Variants in TIAM1 observed in about 807,000 individuals in gnomAD.
The protein encoded by TIAM1 is rho guanine nucleotide exchange factor TIAM1.
Under a neutral mutation model 163.5 loss-of-function variants are expected in TIAM1, and 65 were observed. The ratio of observed to expected loss-of-function variants is 0.40; its 90% CI spans 0.33 to 0.49. The LOEUF is 0.49. Among genes scored for constraint, TIAM1 ranks in the 20% least tolerant of loss-of-function variants. TIAM1 has a pLI of 0.77. For missense variants in TIAM1, 1,789 were observed against 2,044.7 expected (o/e 0.87, Z 2.41); for synonymous variants, 833 against 810.1 (o/e 1.03, Z -0.48).
chr21:31,209,460 G>C (rs2086615577), intron 11 of TIAM1, among the ~76,000 whole-genome samples: 1 of 152,172 alleles, frequency 6.6e-6, no homozygotes, highest in Non-Finnish European at 1.5e-5. Flanking sequence ...TCAATCATTT[G>C]TCATGTTTCT....
rs2082844446 is a variant in TIAM1 at position 31,141,526 on chromosome 21, T to C, written c.3476-22A>G. The C allele has an allele frequency of 6.2e-7, 1 of 1,610,158 alleles. No homozygotes were observed. The highest frequency in any genetic ancestry group is 1.3e-5 in the African/African-American group (1 of 74,788). Reference sequence around the variant, plus strand: ...TTGGCTGGCAGGGTTTAAACACAGGTCATGGGGGTGGAACGCCCACGTGAC... The same window carrying C: ...TTGGCTGGCAGGGTTTAAACACAGGCCATGGGGGTGGAACGCCCACGTGAC... On this transcript the variant is annotated intron_variant, in intron 20 of 27. Transcript: ENST00000541036. The surrounding 1 kb of genome is among the most constrained non-coding windows in gnomAD (Gnocchi z 4.7).
In TIAM1 at chr21:31,180,545, CAGA is replaced by C. The variant is rs532107401; in HGVS notation, c.2887+1873_2887+1875del. On this transcript the variant is annotated intron_variant, in intron 15 of 27. Coordinates refer to ENST00000541036, the MANE Select transcript of TIAM1 (RefSeq NM_001353694.2). ...TCTTTTTTTTTTTATATCTGTAACCCAGAAGAAGGGCTCAGACAGAAGAAAAAA... is the reference window on the plus strand; with the variant it reads ...TCTTTTTTTTTTTATATCTGTAACCCAGAAGGGCTCAGACAGAAGAAAAAA... Among the ~76,000 whole-genome samples the C allele has an allele frequency of 2.1e-3, 319 of 151,412 alleles. 1 individual carries two copies. The highest frequency in any genetic ancestry group is 7.2e-3 in the African/African-American group (297 of 41,094).
At chr21:31,151,372 A>T (rs996451567) in intron 19 of TIAM1, among the ~76,000 whole-genome samples, 7 of 152,234 alleles carry the variant, frequency 4.6e-5, no homozygotes, top group Admixed American at 3.3e-4. Flanking sequence ...AATGGAAGAC[A>T]ATGCAGCAAT....
chr21:31,534,130 T>C (rs1483290985), intron 1 of TIAM1, among the ~76,000 whole-genome samples: 1 of 151,994 alleles, frequency 6.6e-6, no homozygotes, highest in Non-Finnish European at 1.5e-5. Flanking sequence ...GAAAACACAA[T>C]GAAGAGAAAG....
intron 24 of TIAM1, 44 bp downstream of exon 24, chr21:31,130,846 T>G (rs755332935): frequency 1.0e-5 from 16 of 1,561,480 alleles, no homozygotes; most frequent in East Asian, 6.7e-5. Context: ...GATAAGCAGA[T>G]AGAGAAATAG....
intron 1 of TIAM1, among the ~76,000 whole-genome samples, chr21:31,499,244 T>A (rs2046768769): frequency 2.0e-5 from 3 of 151,804 alleles, no homozygotes; most frequent in Non-Finnish European, 4.4e-5. Context: ...AGGAGACACA[T>A]TTACACATAA....
At chr21:31,167,298 G>T (rs866676740) in intron 15 of TIAM1, among the ~76,000 whole-genome samples, 3 of 151,976 alleles carry the variant, frequency 2.0e-5, no homozygotes, top group African/African-American at 7.3e-5. Context: ...CACCATGTTG[G>T]TGAGGCTGGT....
At chr21:31,279,678 CT>C (rs949956723) in intron 2 of TIAM1, among the ~76,000 whole-genome samples, 10 of 152,168 alleles carry the variant, frequency 6.6e-5, no homozygotes, top group African/African-American at 2.4e-4. Flanking sequence ...ATGAGATCAT[CT>C]ATGTTACAGA....
At position 31,210,951 on chromosome 21, in the gene TIAM1, T is replaced by TA. The variant is rs1254988606; in HGVS notation, c.2218-737_2218-736insT. Among the ~76,000 whole-genome samples, 4 of 152,026 alleles carry TA rather than the reference T, an allele frequency of 2.6e-5. No homozygotes were observed. In the East Asian group the frequency reaches 7.7e-4, roughly 29 times the overall value. ...AAGCAATGGTGAAGCCCCAATCATT[T>TA]TTTTTTTTCAAAAAGATCATGTTTT... On this transcript the variant is annotated intron_variant, in intron 10 of 27. Coordinates refer to ENST00000541036, the MANE Select transcript of TIAM1 (RefSeq NM_001353694.2).
At chr21:31,238,881 C>T (rs1057035247) in intron 6 of TIAM1, among the ~76,000 whole-genome samples, 6 of 152,050 alleles carry the variant, frequency 3.9e-5, no homozygotes, top group African/African-American at 1.2e-4. Flanking sequence ...TTGTAAGCCT[C>T]GACTTCAACA....
chr21:31,134,942 C>T (rs1460961011), intron 23 of TIAM1, among the ~76,000 whole-genome samples: 6 of 151,998 alleles, frequency 3.9e-5, no homozygotes, highest in African/African-American at 1.5e-4. Context: ...GCATTAAATA[C>T]TTTGATTTTA....
chr21:31,164,398 A>G (rs1342855182), intron 16 of TIAM1, among the ~76,000 whole-genome samples: 3 of 152,236 alleles, frequency 2.0e-5, no homozygotes, highest in Non-Finnish European at 4.4e-5. Flanking sequence ...TCAAAAAAAA[A>G]AAAAAAAAAT....
intron 2 of TIAM1, among the ~76,000 whole-genome samples, chr21:31,313,616 T>G (rs1286571351): frequency 6.6e-6 from 1 of 152,196 alleles, no homozygotes; most frequent in Non-Finnish European, 1.5e-5. Context: ...GCTCTGTTGC[T>G]CAGGCTGCCA....
intron 1 of TIAM1, among the ~76,000 whole-genome samples, chr21:31,546,098 A>G (rs940785860): frequency 6.6e-6 from 1 of 151,990 alleles, no homozygotes; most frequent in African/African-American, 2.4e-5. Flanking sequence ...ATAAAAGAAA[A>G]TAACAACCAC....
At chr21:31,334,174 A>G (rs1381262766) in intron 2 of TIAM1, among the ~76,000 whole-genome samples, 1 of 152,172 alleles carries the variant, frequency 6.6e-6, no homozygotes, top group South Asian at 2.1e-4. Flanking sequence ...AAACCACGAA[A>G]AATCCATTTT....
intron 2 of TIAM1, among the ~76,000 whole-genome samples, chr21:31,298,230 A>G (rs1446698285): frequency 2.6e-5 from 4 of 152,228 alleles, no homozygotes; most frequent in African/African-American, 9.6e-5. Context: ...CTGTAGAAAT[A>G]CAGGAATGTT....
chr21:31,435,896 C>T (rs934716321), intron 2 of TIAM1, among the ~76,000 whole-genome samples: 2 of 152,182 alleles, frequency 1.3e-5, no homozygotes, highest in African/African-American at 2.4e-5. Context: ...TGCTTTGCAT[C>T]AGGGCAGCAA....
intron 20 of TIAM1, among the ~76,000 whole-genome samples, chr21:31,143,890 C>T (rs1443798240): frequency 1.3e-5 from 2 of 151,930 alleles, no homozygotes; most frequent in Non-Finnish European, 2.9e-5. Context: ...TCAGGTCTGG[C>T]TAATTTTTTT....
At chr21:31,188,219 C>CA (rs2085391227) in intron 13 of TIAM1, among the ~76,000 whole-genome samples, 1 of 152,184 alleles carries the variant, frequency 6.6e-6, no homozygotes, top group Non-Finnish European at 1.5e-5. Context: ...ATCGCCCTCT[C>CA]AAGTACCGTA....
Sources: allele counts gnomAD v4.1 joint callset (sites outside exome capture counted in the v4.1 genomes callset), GRCh38; gene constraint gnomAD v4.1.1; non-coding constraint Gnocchi (gnomAD v3.1); transcripts MANE v1.5; gene names NCBI Gene and HGNC (gene_info 2026-07-23, HGNC 2026-07-21).